The following JUP variants were observed in gnomAD, a reference collection of about 807,000 sequenced individuals.
The protein encoded by JUP is catenin (cadherin-associated protein), gamma 80kDa.
JUP carries 28 observed loss-of-function variants against 71.1 expected under a neutral mutation model. That is an observed-to-expected ratio of 0.39 (90% CI 0.29 to 0.54). JUP has a LOEUF of 0.54. Among genes scored for constraint, JUP ranks in the 20% least tolerant of loss-of-function variants. The pLI is 0.62. For missense variants in JUP, 869 were observed against 1,030.1 expected (o/e 0.84, Z 2.14); for synonymous variants, 401 against 438.9 (o/e 0.91, Z 1.08).
At chr17:41,773,010 G>A (rs1916901434) in intron 1 of JUP, 1 of 985,148 alleles carries the variant, frequency 1.0e-6, no homozygotes, top group Non-Finnish European at 1.2e-6. Context: ...TCATGGGCGG[G>A]TTTCAAAGCC....
intron 8 of JUP, among the ~76,000 whole-genome samples, chr17:41,759,512 C>G (rs4293437): frequency 0.67 from 98,526 of 146,766 alleles, 33,028 homozygotes; most frequent in Non-Finnish European, 0.73. Context: ...GCTTGCTTTT[C>G]TGATAGTCCT....
chr17:41,771,950 C>T, intron 1 of JUP, 88 bp from the exon 2 acceptor site: 1 of 1,075,790 alleles, frequency 9.3e-7, no homozygotes, highest in Non-Finnish European at 1.4e-6. Flanking sequence ...CGCCTGTCTT[C>T]CCACATCATC....
Position 41,763,341 on chromosome 17 carries a change from C to T in JUP, c.1159-20G>A, listed in dbSNP as rs782463183. ...GCCCTCCTGGAGGGCAAGGAAGGGA[C>T]GGGGGAGTCAGGGAGCAGCCAACTC... is the stretch of plus-strand genomic sequence containing the variant. On this transcript the variant is annotated intron_variant, in intron 7 of 13. Transcript: ENST00000393931. 139 of 1,598,170 alleles carry T rather than the reference C, an allele frequency of 8.7e-5. No individual in the cohort carries two copies. Among genetic ancestry groups the T allele is most frequent in the Middle Eastern group, 1.8e-4 (1 of 5,664 alleles).
In JUP at chr17:41,755,466, G is replaced by A. The variant is rs1427669113; in HGVS notation, c.*278C>T. ...GGAGCGGGGACAGACAGGGGTCAGG[G>A]GCTCGGTGGACCTGCATCCCCAGAA... On this transcript the variant is annotated 3_prime_UTR_variant, in exon 14 of 14. Coordinates refer to ENST00000393931, the MANE Select transcript of JUP (RefSeq NM_002230.4). 2.3e-6 allele frequency: 1 copy of A among 430,632 alleles called. No homozygotes were observed. The allele number at this position is 430,632 out of a possible 1,614,324, so 26.7% of individuals were successfully genotyped here.
chr17:41,757,808 C>A, intron 10 of JUP, 24 bp from the exon 11 acceptor site: 3 of 1,594,910 alleles, frequency 1.9e-6, no homozygotes, highest in Admixed American at 1.7e-5. Context: ...ACGTGGGAAG[C>A]AGGGGAGAGG....
intron 1 of JUP, among the ~76,000 whole-genome samples, chr17:41,775,556 G>C (rs1224405966): frequency 6.6e-6 from 1 of 152,226 alleles, no homozygotes; most frequent in Non-Finnish European, 1.5e-5. Flanking sequence ...AATGCCCCTG[G>C]ACAGAGCCAG....
In JUP at chr17:41,763,139, G is replaced by A; in HGVS notation, c.1341C>T (p.Asp447=). 6.2e-7 allele frequency: 1 copy of A among 1,614,224 alleles called. No individual in the cohort carries two copies. Among genetic ancestry groups the A allele is most frequent in the Non-Finnish European group, 8.5e-7 (1 of 1,180,044 alleles). ...ALIHAILRAG[D]KDDITEPAVC... is the part of the protein sequence containing the mutation. ...CGGCAGGCTCCGTGATGTCGTCCTT[G>A]TCACCAGCACGCAGGATGGCATGGA... The change falls in exon 8 of 14, where the codon GAC becomes GAT. Residue 447 remains aspartate (D), a synonymous_variant. Transcript: ENST00000393931.
In JUP at chr17:41,785,510, G is replaced by A. The variant is rs186755511; in HGVS notation, c.-9+1078C>T. 3.0e-3 allele frequency among the ~76,000 whole-genome samples: 457 copies of A among 152,236 alleles called. 3 individuals are homozygous for A. The highest frequency in any genetic ancestry group is 0.011 in the African/African-American group (438 of 41,548). On this transcript the variant is annotated intron_variant, in intron 1 of 13. Transcript: ENST00000393931. ...GGCCCAGCGAACAGGATGAATGTGG[G>A]GGCAGGGAAGACAGGGTCGGAGCCC...
Position 41,758,654 on chromosome 17 carries a change from A to G in JUP, c.1653+61T>C, listed in dbSNP as rs1375587302. On this transcript the variant is annotated intron_variant, in intron 9 of 13. Transcript: ENST00000393931. ...AACTGACCTCCCCATTCACACACAC[A>G]CCCACAGAGGACACCCTGACCCCCC... is the stretch of plus-strand genomic sequence containing the variant. 6.3e-6 allele frequency: 10 copies of G among 1,587,588 alleles called. No individual in the cohort carries two copies. The African/African-American group carries it at 9.4e-5, about 15-fold the overall frequency.
At position 41,769,404 on chromosome 17, in the gene JUP, G is replaced by T. The variant is rs1555605609; in HGVS notation, c.468+14C>A. 2 of 1,606,960 alleles carry T rather than the reference G, an allele frequency of 1.2e-6. No individual in the cohort carries two copies. The highest frequency in any genetic ancestry group is 1.7e-6 in the Non-Finnish European group (2 of 1,177,564). ...CCCTGCCCAGCCCCCACCCTAGCAGGGACCCTCACAGACCGGGTCCTCGTC... is the reference window on the plus strand; with the variant it reads ...CCCTGCCCAGCCCCCACCCTAGCAGTGACCCTCACAGACCGGGTCCTCGTC... On this transcript the variant is annotated intron_variant, in intron 3 of 13. Transcript: ENST00000393931.
chr17:41,757,337 G>C, intron 12 of JUP, 78 bp downstream of exon 12: 1 of 1,473,822 alleles, frequency 6.8e-7, no homozygotes, highest in Non-Finnish European at 9.5e-7. Context: ...ACAGTAGTAG[G>C]AGACCCCCAA....
rs1913391719 is a variant in JUP at position 41,754,630 on chromosome 17, C to T, written c.*1114G>A. 1 of 152,648 alleles carries T rather than the reference C, an allele frequency of 6.6e-6. No homozygotes were observed. The highest frequency in any genetic ancestry group is 1.5e-5 in the Non-Finnish European group (1 of 68,048). 9.5% of individuals were successfully genotyped at this position (152,648 alleles called of 1,614,324 possible). A position where few individuals can be genotyped will look rare whatever the true frequency, so the allele number is the denominator to read the frequency against. On this transcript the variant is annotated 3_prime_UTR_variant, in exon 14 of 14. Transcript: ENST00000393931. ...AACGCATCTGTGTTATTTTTATTTT[C>T]TTTGCTTTGGTCTATACAAAAAAAC...
chr17:41,777,436 G>T (rs559608596), intron 1 of JUP, among the ~76,000 whole-genome samples: 13 of 152,342 alleles, frequency 8.5e-5, no homozygotes, highest in Admixed American at 2.0e-4. Flanking sequence ...CAGAGAGATG[G>T]ACATGATGGC....
intron 13 of JUP, 29 bp from the exon 14 acceptor site, chr17:41,755,924 A>G: frequency 6.3e-7 from 1 of 1,591,398 alleles, no homozygotes. Flanking sequence ...GCTCGGTCCT[A>G]GGGTCTGCAA....
intron 8 of JUP, among the ~76,000 whole-genome samples, chr17:41,761,609 C>T (rs1049447766): frequency 6.6e-6 from 1 of 152,140 alleles, no homozygotes; most frequent in Non-Finnish European, 1.5e-5. Flanking sequence ...GTCAGGAGTT[C>T]AAGACCAGCC....
chr17:41,771,689 T>C lies in JUP; in HGVS notation c.166A>G (p.Lys56Glu), dbSNP rs782760671. Residue 56 changes from lysine to glutamate, a missense_variant, in exon 2 of 14, where the codon AAG becomes GAG. Transcript: ENST00000393931. ...CCCTGGGTGTAAGTGGTGGTTTTCT[T>C]GAGCGTGTACTGGCGCCCGCAGGCC... ...DEACGRQYTL[K>E]KTTTYTQGVP... 1.2e-6 allele frequency: 2 copies of C among 1,614,012 alleles called. No individual in the cohort carries two copies.
intron 1 of JUP, among the ~76,000 whole-genome samples, chr17:41,785,707 T>C (rs2047423602): frequency 6.6e-6 from 1 of 152,122 alleles, no homozygotes; most frequent in Admixed American, 6.5e-5. Flanking sequence ...TTTCCAACAA[T>C]AAGAGGTTAG....
intron 7 of JUP, 73 bp from the exon 8 acceptor site, chr17:41,763,394 G>C (rs1226199881): frequency 8.5e-7 from 1 of 1,173,140 alleles, no homozygotes; most frequent in African/African-American, 1.5e-5. Flanking sequence ...TATGTCCAAG[G>C]GGAGTGGGAT....
At chr17:41,783,697 A>G (rs912568220) in intron 1 of JUP, among the ~76,000 whole-genome samples, 10 of 151,966 alleles carry the variant, frequency 6.6e-5, no homozygotes, top group African/African-American at 2.2e-4. Flanking sequence ...GGGGCGGGCG[A>G]ATCACGAGGT....
Sources: allele counts gnomAD v4.1 joint callset (sites outside exome capture counted in the v4.1 genomes callset), GRCh38; gene constraint gnomAD v4.1.1; transcripts MANE v1.5; gene names NCBI Gene and HGNC (gene_info 2026-07-23, HGNC 2026-07-21).